FNDC3A: variants seen among roughly 807,000 people sequenced by gnomAD.
FNDC3A encodes the protein fibronectin type III domain containing 3A, also known as fibronectin type-III domain-containing protein 3A.
In FNDC3A, 32 loss-of-function variants were observed where a neutral mutation model predicts 148.9. That is an observed-to-expected ratio of 0.21 (90% CI 0.16 to 0.29). FNDC3A has a LOEUF of 0.29. Among genes scored for constraint, FNDC3A ranks in the 10% least tolerant of loss-of-function variants. FNDC3A has a pLI of 1.00. For synonymous variants in FNDC3A, 472 were observed against 473.6 expected (o/e 1.00, Z 0.04); for missense variants, 1,191 against 1,452.8 (o/e 0.82, Z 2.93).
intron 8 of FNDC3A, among the ~76,000 whole-genome samples, chr13:49,155,366 C>T (rs1241544643): frequency 6.6e-6 from 1 of 150,520 alleles, no homozygotes; most frequent in African/African-American, 2.5e-5. Flanking sequence ...GTGGTGATAT[C>T]CCCTTTATCA....
intron 4 of FNDC3A, among the ~76,000 whole-genome samples, chr13:49,127,269 A>C (rs184306778): frequency 1.7e-3 from 259 of 152,114 alleles, no homozygotes; most frequent in African/African-American, 6.1e-3. Flanking sequence ...TTGTAATTTC[A>C]CTCCTGAAAA....
chr13:49,162,313 C>T (rs1884187128), intron 8 of FNDC3A, among the ~76,000 whole-genome samples: 1 of 152,120 alleles, frequency 6.6e-6, no homozygotes, highest in Non-Finnish European at 1.5e-5. Flanking sequence ...TTTCTTTTTA[C>T]TCTTTTTTCT....
chr13:49,104,593 T>G (rs1205953465), intron 3 of FNDC3A, among the ~76,000 whole-genome samples: 1 of 152,114 alleles, frequency 6.6e-6, no homozygotes, highest in Non-Finnish European at 1.5e-5. Flanking sequence ...CCATTTCAAG[T>G]CATTTGGTAG....
chr13:49,088,257 A>G (rs145223885), intron 3 of FNDC3A, among the ~76,000 whole-genome samples: 213 of 152,362 alleles, frequency 1.4e-3, no homozygotes, highest in African/African-American at 4.9e-3. Flanking sequence ...AGATAGTTAC[A>G]TACAATATAC....
At chr13:49,187,421 A>G in intron 16 of FNDC3A, 1 of 1,067,836 alleles carries the variant, frequency 9.4e-7, no homozygotes, top group Non-Finnish European at 1.4e-6. Context: ...ATCCACTTCC[A>G]GAGGCTGTAC....
intron 3 of FNDC3A, among the ~76,000 whole-genome samples, chr13:49,102,246 T>C (rs1213356463): frequency 6.6e-6 from 1 of 152,124 alleles, no homozygotes; most frequent in Non-Finnish European, 1.5e-5. Context: ...GTTTTGGTGC[T>C]ACATATATCT....
At chr13:49,132,692 ATTTC>A (rs1411001341) in intron 5 of FNDC3A, among the ~76,000 whole-genome samples, 1 of 151,874 alleles carries the variant, frequency 6.6e-6, no homozygotes, top group Non-Finnish European at 1.5e-5. Flanking sequence ...TAGTCCCCTT[ATTTC>A]TTCAGTTTTT....
At chr13:49,079,798 C>A (rs2137791849) in intron 3 of FNDC3A, among the ~76,000 whole-genome samples, 1 of 152,210 alleles carries the variant, frequency 6.6e-6, no homozygotes, top group Admixed American at 6.5e-5. Context: ...GGGCCAGAAA[C>A]AAGGACTTTT....
At chr13:49,145,597 A>G (rs781419567) in intron 7 of FNDC3A, among the ~76,000 whole-genome samples, 181 bp from the exon 8 acceptor site, 2 of 152,144 alleles carry the variant, frequency 1.3e-5, no homozygotes, top group South Asian at 4.1e-4. Flanking sequence ...TGTGGAACCC[A>G]TCTCATTTGT....
chr13:49,195,672 A>G (rs1886111876), intron 19 of FNDC3A, among the ~76,000 whole-genome samples: 1 of 152,186 alleles, frequency 6.6e-6, no homozygotes, highest in African/African-American at 2.4e-5. Flanking sequence ...TTTTTCCTAA[A>G]TTAAAAATAA....
At chr13:49,177,621 G>A (rs940234101) in intron 13 of FNDC3A, among the ~76,000 whole-genome samples, 5 of 152,070 alleles carry the variant, frequency 3.3e-5, no homozygotes, top group Non-Finnish European at 7.4e-5. Context: ...GTCAAAAAGT[G>A]GAAGCAACCC....
At chr13:49,105,518 G>A (rs1880120328) in intron 3 of FNDC3A, among the ~76,000 whole-genome samples, 1 of 152,138 alleles carries the variant, frequency 6.6e-6, no homozygotes, top group Non-Finnish European at 1.5e-5. Flanking sequence ...AAAGACTCTG[G>A]AATTTGTATC....
intron 7 of FNDC3A, among the ~76,000 whole-genome samples, chr13:49,144,210 C>A (rs955246545): frequency 6.6e-5 from 10 of 151,398 alleles, no homozygotes; most frequent in Non-Finnish European, 1.5e-4. Context: ...GAAAAAAAAA[C>A]CTGCTCAGTT....
chr13:49,085,713 T>C (rs772359297), intron 3 of FNDC3A, among the ~76,000 whole-genome samples: 2 of 152,122 alleles, frequency 1.3e-5, no homozygotes, highest in Non-Finnish European at 2.9e-5. Flanking sequence ...ACAGAATTAA[T>C]GGTGTGTTAT....
chr13:49,129,428 G>T (rs1029579901), intron 4 of FNDC3A, among the ~76,000 whole-genome samples: 3 of 152,174 alleles, frequency 2.0e-5, no homozygotes, highest in Admixed American at 2.0e-4. Flanking sequence ...AAATGGCTCC[G>T]TTTTTTAAGA....
At chr13:49,102,956 A>G (rs1034151275) in intron 3 of FNDC3A, among the ~76,000 whole-genome samples, 3 of 152,180 alleles carry the variant, frequency 2.0e-5, no homozygotes. Flanking sequence ...ATTAACTACC[A>G]TTCCTGAACT....
chr13:49,168,871 A>G (rs1884617789), intron 10 of FNDC3A, 120 bp downstream of exon 10: 3 of 884,946 alleles, frequency 3.4e-6, no homozygotes, highest in Non-Finnish European at 5.3e-6. Flanking sequence ...CTTTTTACAT[A>G]TAAGACACAA....
At chr13:49,081,968 C>CT (rs11332071) in intron 3 of FNDC3A, among the ~76,000 whole-genome samples, 38 of 144,576 alleles carry the variant, frequency 2.6e-4, no homozygotes, top group African/African-American at 6.3e-4. Flanking sequence ...AAATCAGTAC[C>CT]TTTTTTTTTT....
At chr13:49,182,846 G>A (rs938196524) in intron 14 of FNDC3A, among the ~76,000 whole-genome samples, 15 of 151,708 alleles carry the variant, frequency 9.9e-5, no homozygotes, top group African/African-American at 3.6e-4. Context: ...TAAGTCCTTA[G>A]GTCTTCTTGG....
Sources: gnomAD v4.1 joint callset for allele counts (sites outside exome capture counted in the v4.1 genomes callset) on GRCh38, gnomAD v4.1.1 for gene constraint, MANE v1.5 for transcripts, NCBI Gene and HGNC (gene_info 2026-07-23, HGNC 2026-07-21) for gene names.